Variants in DGKB observed in about 807,000 individuals in gnomAD.
DGKB encodes the protein diacylglycerol kinase beta.
In DGKB, 67 loss-of-function variants were observed where a neutral mutation model predicts 114.3. The observed-to-expected ratio is 0.59, with a 90% CI of 0.48 to 0.72. The LOEUF is 0.72. Ranked by LOEUF, DGKB falls within the 30% of genes least tolerant of loss-of-function variation. The pLI is 0.00. For missense variants in DGKB, 907 were observed against 975.2 expected, an observed-to-expected ratio of 0.93 and a Z score of 0.93; for synonymous variants, 398 against 323.1, an observed-to-expected ratio of 1.23 and a Z score of -2.49.
At chr7:14,519,744 C>A (rs957359836) in intron 20 of DGKB, among the ~76,000 whole-genome samples, 1 of 151,794 alleles carries the variant, frequency 6.6e-6, no homozygotes, top group Non-Finnish European at 1.5e-5. Context: ...TTACAGCCTT[C>A]TCAGTGGGCA....
At chr7:14,481,224 G>A (rs893271033) in intron 20 of DGKB, among the ~76,000 whole-genome samples, 1 of 151,750 alleles carries the variant, frequency 6.6e-6, no homozygotes, top group African/African-American at 2.4e-5. Flanking sequence ...GTATTTTTCT[G>A]AAATGTATTT....
chr7:14,780,037 G>A (rs1838829472), intron 2 of DGKB, among the ~76,000 whole-genome samples: 1 of 152,130 alleles, frequency 6.6e-6, no homozygotes, highest in Non-Finnish European at 1.5e-5. Flanking sequence ...GGCCAGTTAA[G>A]ATGTAGAAAT....
chr7:14,866,434 T>A (rs1417005006), intron 1 of DGKB, among the ~76,000 whole-genome samples: 1 of 152,190 alleles, frequency 6.6e-6, no homozygotes, highest in Non-Finnish European at 1.5e-5. Flanking sequence ...TTGCAAACAC[T>A]AATCTTTTGT....
intron 1 of DGKB, among the ~76,000 whole-genome samples, chr7:14,936,512 A>C (rs370754892): frequency 6.6e-6 from 1 of 152,256 alleles, no homozygotes; most frequent in East Asian, 1.9e-4. Flanking sequence ...CTATTTCTTT[A>C]CCAATCCTTA....
intron 3 of DGKB, among the ~76,000 whole-genome samples, chr7:14,756,390 A>G (rs1009475129): frequency 2.0e-5 from 3 of 151,990 alleles, no homozygotes; most frequent in African/African-American, 7.2e-5. Context: ...GGCATCTAGA[A>G]AAATACAAGG....
rs528764130 is a variant in DGKB, at chr7:14,745,077, C to T, written c.168+8851G>A. On this transcript the variant is annotated intron_variant, in intron 4 of 25. Coordinates refer to ENST00000402815, the MANE Select transcript of DGKB (RefSeq NM_001350709.2). ...GAGCAAACCAAAGCCAAGCCCCATG[C>T]AACCAATCTTAGCAGGCATAATTAT... Among the ~76,000 whole-genome samples, 34 of 152,294 alleles carry T rather than the reference C, an allele frequency of 2.2e-4. 1 individual carries two copies. The highest frequency in any genetic ancestry group is 7.9e-4 in the African/African-American group (33 of 41,576).
chr7:14,906,619 A>G (rs1783723966), upstream of DGKB, among the ~76,000 whole-genome samples: 1 of 151,736 alleles, frequency 6.6e-6, no homozygotes, highest in South Asian at 2.1e-4. Flanking sequence ...ATGCCCAGCT[A>G]ATTTTTGTAT....
chr7:14,379,598 G>A (rs879550151), intron 21 of DGKB, among the ~76,000 whole-genome samples: 3 of 151,540 alleles, frequency 2.0e-5, no homozygotes, highest in South Asian at 4.2e-4. Context: ...CTTACTCTGC[G>A]GCCCAGGCTG....
chr7:14,972,726 A>G (rs965324376), intron 1 of DGKB, among the ~76,000 whole-genome samples: 2 of 151,884 alleles, frequency 1.3e-5, no homozygotes, highest in African/African-American at 4.8e-5. Context: ...ATAAAAAATC[A>G]TTCTTAGGAA....
At chr7:14,242,969 G>A (rs755635428) in intron 23 of DGKB, among the ~76,000 whole-genome samples, 87 of 151,086 alleles carry the variant, frequency 5.8e-4, no homozygotes, top group Non-Finnish European at 1.0e-3. Context: ...ATGCACATTT[G>A]TTAACAGAGG....
intron 21 of DGKB, among the ~76,000 whole-genome samples, chr7:14,448,742 T>C (rs1178742141): frequency 6.6e-6 from 1 of 152,114 alleles, no homozygotes; most frequent in Admixed American, 6.6e-5. Flanking sequence ...ATACGTTAAG[T>C]AAGTTGCTTA....
At chr7:14,966,446 G>A (rs565554547) in intron 1 of DGKB, among the ~76,000 whole-genome samples, 3 of 148,896 alleles carry the variant, frequency 2.0e-5, no homozygotes, top group South Asian at 2.1e-4. Context: ...ATATTTGTGT[G>A]TATATATATA....
chr7:14,205,028 C>T (rs934923892), intron 23 of DGKB, among the ~76,000 whole-genome samples: 5 of 151,984 alleles, frequency 3.3e-5, no homozygotes, highest in South Asian at 2.1e-4. Context: ...GTTCCCATTG[C>T]TCCAACCTAT....
chr7:14,485,193 G>A (rs1030479411), intron 20 of DGKB, among the ~76,000 whole-genome samples: 3 of 151,462 alleles, frequency 2.0e-5, no homozygotes, highest in African/African-American at 7.3e-5. Context: ...TGATGTTACA[G>A]TGTCTGAGGA....
intron 20 of DGKB, among the ~76,000 whole-genome samples, chr7:14,524,325 C>T (rs992286784): frequency 3.3e-5 from 5 of 152,136 alleles, no homozygotes; most frequent in Non-Finnish European, 5.9e-5. Context: ...TTCCTTGCTT[C>T]AGATCAATAG....
At chr7:14,940,288 T>G (rs1785500767) in intron 1 of DGKB, among the ~76,000 whole-genome samples, 1 of 151,894 alleles carries the variant, frequency 6.6e-6, no homozygotes, top group Admixed American at 6.6e-5. Context: ...AAAGAGGGAA[T>G]GTACTTTCAG....
chr7:14,723,636 A>T (rs953695860), intron 5 of DGKB, among the ~76,000 whole-genome samples: 1 of 152,064 alleles, frequency 6.6e-6, no homozygotes, highest in African/African-American at 2.4e-5. Context: ...ACAATAGTAC[A>T]AAATAAAGTG....
intron 15 of DGKB, among the ~76,000 whole-genome samples, chr7:14,615,555 G>A (rs565808401): frequency 6.6e-6 from 1 of 151,842 alleles, no homozygotes; most frequent in South Asian, 2.1e-4. Flanking sequence ...ATTTTTAGGG[G>A]TAGTTAAATG....
At chr7:14,484,960 T>C (rs1032567277) in intron 20 of DGKB, among the ~76,000 whole-genome samples, 6 of 132,498 alleles carry the variant, frequency 4.5e-5, no homozygotes, top group South Asian at 5.3e-4. Context: ...ATTAGTGGAA[T>C]TGACAACATT....
Sources: allele counts gnomAD v4.1 joint callset (sites outside exome capture counted in the v4.1 genomes callset), GRCh38; gene constraint gnomAD v4.1.1; transcripts MANE v1.5; gene names NCBI Gene and HGNC (gene_info 2026-07-23, HGNC 2026-07-21).